The following SLC14A1 variants were observed in gnomAD, a reference collection of about 807,000 sequenced individuals.
The protein encoded by SLC14A1 is urea transporter 1.
In SLC14A1, 36 loss-of-function variants were observed where a neutral mutation model predicts 39.6. That is an observed-to-expected ratio of 0.91 (90% CI 0.70 to 1.20). SLC14A1 has a LOEUF of 1.20. SLC14A1 is among the 50% of genes most tolerant of loss of function. SLC14A1 has a pLI of 0.00. For missense variants in SLC14A1, 469 were observed against 478.7 expected, an observed-to-expected ratio of 0.98 and a Z score of 0.19; for synonymous variants, 164 against 173.6, an observed-to-expected ratio of 0.94 and a Z score of 0.43.
Position 45,736,443 on chromosome 18 carries a change from G to A in SLC14A1, c.471-13G>A. On this transcript the variant is annotated splice_polypyrimidine_tract_variant and intron_variant, in intron 5 of 9. Transcript: ENST00000321925. ...TGTCACATGCACATTCTTTTGCTCT[G>A]TTCTTTTTTTAGCCCAATTTTCTCA... 1 of 1,613,996 alleles carries A rather than the reference G, an allele frequency of 6.2e-7. No homozygotes were observed. Among genetic ancestry groups the A allele is most frequent in the Non-Finnish European group, 8.5e-7 (1 of 1,179,884 alleles).
Position 45,751,828 on chromosome 18 carries a change from A to G in SLC14A1, c.*1877A>G, listed in dbSNP as rs1487151225. ...AATTAATTAATTTAAAAAGGAAGTC[A>G]TGTTCATTTACTTTCCACTTCAGTG... On this transcript the variant is annotated 3_prime_UTR_variant, in exon 10 of 10. Coordinates refer to ENST00000321925, the MANE Select transcript of SLC14A1 (RefSeq NM_015865.7). 5.1e-6 allele frequency: 5 copies of G among 971,940 alleles called. No individual in the cohort carries two copies. The highest frequency in any genetic ancestry group is 6.2e-5 in the Admixed American group (1 of 16,204). 60.2% of individuals were successfully genotyped at this position (971,940 alleles called of 1,614,324 possible).
Position 45,749,978 on chromosome 18 carries a change from C to A in SLC14A1, c.*27C>A. 1 of 1,614,090 alleles carries A rather than the reference C, an allele frequency of 6.2e-7. No individual in the cohort carries two copies. Among genetic ancestry groups the A allele is most frequent in the South Asian group, 1.1e-5 (1 of 91,062 alleles). On this transcript the variant is annotated 3_prime_UTR_variant, in exon 10 of 10. Coordinates refer to ENST00000321925, the MANE Select transcript of SLC14A1 (RefSeq NM_015865.7). ...AACAAGCCCCATTTGCAGCCATGGTCACGAGTCATTTCTGCCTGACTGCTC... is the reference window on the plus strand; with the variant it reads ...AACAAGCCCCATTTGCAGCCATGGTAACGAGTCATTTCTGCCTGACTGCTC...
At chr18:45,733,505 T>C (rs2047091417) in intron 4 of SLC14A1, among the ~76,000 whole-genome samples, 1 of 152,200 alleles carries the variant, frequency 6.6e-6, no homozygotes, top group Admixed American at 6.5e-5. Flanking sequence ...GAATTTACAT[T>C]TCAGGAATCT....
At chr18:45,734,603 G>A (rs542004238) in intron 5 of SLC14A1, among the ~76,000 whole-genome samples, 4 of 152,200 alleles carry the variant, frequency 2.6e-5, no homozygotes, top group South Asian at 2.1e-4. Context: ...AGCCGGGTGC[G>A]GTGGTTCTTG....
intron 8 of SLC14A1, chr18:45,740,984 T>G (rs1198798071): frequency 1.3e-5 from 2 of 152,340 alleles, no homozygotes; most frequent in African/African-American, 2.4e-5. Context: ...CTGAGACCTC[T>G]ACTCCATCCT....
At chr18:45,725,957 G>A (rs148073638) in intron 2 of SLC14A1, among the ~76,000 whole-genome samples, 1 of 152,256 alleles carries the variant, frequency 6.6e-6, no homozygotes, top group African/African-American at 2.4e-5. Flanking sequence ...AGGGGCAGAA[G>A]GAGACGCTGT....
chr18:45,749,389 A>T (rs1269957847), intron 9 of SLC14A1, among the ~76,000 whole-genome samples: 1 of 152,118 alleles, frequency 6.6e-6, no homozygotes, highest in Non-Finnish European at 1.5e-5. Flanking sequence ...GGCAGAAGTC[A>T]AGGTCAGAGA....
Position 45,752,163 on chromosome 18 carries a change from AC to A in SLC14A1, c.*2215del. 1.0e-6 allele frequency: 1 copy of A among 985,322 alleles called. No individual in the cohort carries two copies. Among genetic ancestry groups the A allele is most frequent in the Non-Finnish European group, 1.2e-6 (1 of 829,892 alleles). 61.0% of individuals were successfully genotyped at this position (985,322 alleles called of 1,614,324 possible). A position where few individuals can be genotyped will look rare whatever the true frequency, so the allele number is the denominator to read the frequency against. On this transcript the variant is annotated 3_prime_UTR_variant, in exon 10 of 10. Coordinates refer to ENST00000321925, the MANE Select transcript of SLC14A1 (RefSeq NM_015865.7). ...GCTCAATTTTCAGTGTTTGAACTGA[AC>A]CCTTTCTTGTTAGGGAACGTGTGAA...
chr18:45,728,158 C>T (rs1374050052), intron 2 of SLC14A1, among the ~76,000 whole-genome samples: 1 of 152,168 alleles, frequency 6.6e-6, no homozygotes, highest in Non-Finnish European at 1.5e-5. Flanking sequence ...TTAATCTTTA[C>T]TTAACTTTGG....
intron 2 of SLC14A1, chr18:45,727,519 T>C: frequency 3.6e-6 from 5 of 1,373,302 alleles, no homozygotes; most frequent in Non-Finnish European, 4.8e-6. Flanking sequence ...GGGGGTTGGC[T>C]GTGAGCTAAG....
intron 1 of SLC14A1, among the ~76,000 whole-genome samples, chr18:45,724,659 C>A (rs926478492): frequency 6.6e-6 from 1 of 152,126 alleles, no homozygotes; most frequent in Non-Finnish European, 1.5e-5. Flanking sequence ...AAGTTCGAGG[C>A]GAGTGTCTAC....
chr18:45,734,810 A>G (rs1250847749), intron 5 of SLC14A1, among the ~76,000 whole-genome samples: 2 of 152,032 alleles, frequency 1.3e-5, no homozygotes, highest in African/African-American at 2.4e-5. Flanking sequence ...GGGCAAGGAG[A>G]AGGAGGAAGA....
At chr18:45,749,640 C>G in intron 9 of SLC14A1, 138 bp from the exon 10 acceptor site, 2 of 975,824 alleles carry the variant, frequency 2.0e-6, no homozygotes, top group South Asian at 2.8e-5. Flanking sequence ...TCAGTCTCCA[C>G]GAGCATGCAC....
At chr18:45,748,949 A>G (rs1403383568) in intron 9 of SLC14A1, among the ~76,000 whole-genome samples, 1 of 152,200 alleles carries the variant, frequency 6.6e-6, no homozygotes, top group African/African-American at 2.4e-5. Context: ...ACACACATGC[A>G]TGATGGAGAG....
intron 2 of SLC14A1, chr18:45,729,057 G>C (rs1231735077): frequency 6.6e-6 from 1 of 152,186 alleles, no homozygotes; most frequent in Non-Finnish European, 1.5e-5. Context: ...ATGGAACAAT[G>C]ATGGGGCCAG....
chr18:45,733,901 G>A (rs1336209774), intron 4 of SLC14A1, among the ~76,000 whole-genome samples: 1 of 151,020 alleles, frequency 6.6e-6, no homozygotes, highest in Non-Finnish European at 1.5e-5. Context: ...TTATGAACTG[G>A]GCATGTGAGG....
chr18:45,727,546 C>T lies in SLC14A1; in HGVS notation c.-22+2533C>T, dbSNP rs1168837579. ...TGAGCTAAGCCAAAGGCACAGGGATCTTGGTCCAAAAAGCCCCATGGCGCT... is the reference window on the plus strand; with the variant it reads ...TGAGCTAAGCCAAAGGCACAGGGATTTTGGTCCAAAAAGCCCCATGGCGCT... On this transcript the variant is annotated intron_variant, in intron 2 of 9. Transcript: ENST00000321925. 4 of 1,171,194 alleles carry T rather than the reference C, an allele frequency of 3.4e-6. No individual in the cohort carries two copies. In the African/African-American group the frequency reaches 6.2e-5, roughly 18 times the overall value. 72.6% of individuals were successfully genotyped at this position (1,171,194 alleles called of 1,614,324 possible).
intron 5 of SLC14A1, among the ~76,000 whole-genome samples, chr18:45,734,911 A>C (rs143150665): frequency 2.0e-5 from 3 of 152,346 alleles, no homozygotes; most frequent in Non-Finnish European, 4.4e-5. Context: ...AACCATTTTA[A>C]AAGATGTATA....
chr18:45,729,861 T>C (rs1220288245), intron 2 of SLC14A1: 5 of 153,350 alleles, frequency 3.3e-5, no homozygotes, highest in African/African-American at 4.8e-5. Flanking sequence ...TCAGCCTGCA[T>C]TGGTGAGCAG....
Sources: gnomAD v4.1 joint callset for allele counts (sites outside exome capture counted in the v4.1 genomes callset) on GRCh38, gnomAD v4.1.1 for gene constraint, MANE v1.5 for transcripts, NCBI Gene and HGNC (gene_info 2026-07-23, HGNC 2026-07-21) for gene names.